Variants in PTCH1 observed in about 807,000 individuals in gnomAD.
The protein encoded by PTCH1 is patched 1, also known as protein patched homolog 1.
Under a neutral mutation model 144.6 loss-of-function variants are expected in PTCH1, and 14 were observed. That is an observed-to-expected ratio of 0.10 (90% confidence interval 0.06 to 0.15). The LOEUF is 0.15. PTCH1 is among the 10% of genes least tolerant of loss of function. The pLI is 1.00. For missense variants in PTCH1, 1,623 were observed against 1,948.3 expected (o/e 0.83, Z 3.14); for synonymous variants, 833 against 793.6 (o/e 1.05, Z -0.83).
rs2136631167 is a variant in PTCH1, at chr9:95,453,518, C to T, written c.3409G>A (p.Val1137Met). ...AACTCAGATCCCGCCAGCATCAGCA[C>T]TCCCAGCAGAGTGGACACGGCGCCA... is the stretch of plus-strand genomic sequence containing the variant. ...LDGAVSTLLG[V>M]LMLAGSEFDF... The change falls in exon 20 of 24, where the codon GTG becomes ATG. Residue 1137 changes from valine (V) to methionine (M), a missense_variant. This residue lies in a region of PTCH1 where 504 missense variants were observed against 679.3 expected (regional missense o/e 0.74). Transcript: ENST00000331920. 6.2e-7 allele frequency: 1 copy of T among 1,614,184 alleles called. No individual in the cohort carries two copies. The highest frequency in any genetic ancestry group is 2.2e-5 in the East Asian group (1 of 44,884).
chr9:95,460,516 G>C (rs1306139097), intron 16 of PTCH1, among the ~76,000 whole-genome samples: 1 of 152,146 alleles, frequency 6.6e-6, no homozygotes, highest in Non-Finnish European at 1.5e-5. Context: ...TTAGATTCAG[G>C]CCTCATTCCT....
Position 95,449,019 on chromosome 9 carries a change from C to T in PTCH1, c.3804+50G>A, listed in dbSNP as rs781276726. On this transcript the variant is annotated intron_variant, in intron 22 of 23. Coordinates refer to ENST00000331920, the MANE Select transcript of PTCH1 (RefSeq NM_000264.5). This position sits in a 1 kb window ranked among gnomAD's most constrained non-coding sequence, Gnocchi z 5.3. ...GGAGCCCCCGCTGGACCTCCAGGCC[C>T]ACTACCACGGTGGGAAGACCCCTCC... 4 of 1,610,650 alleles carry T rather than the reference C, an allele frequency of 2.5e-6. No individual in the cohort carries two copies. Among genetic ancestry groups the T allele is most frequent in the Middle Eastern group, 1.7e-4 (1 of 6,046 alleles).
At chr9:95,455,345 G>A (rs1838817791) in intron 19 of PTCH1, among the ~76,000 whole-genome samples, 2 of 152,242 alleles carry the variant, frequency 1.3e-5, no homozygotes, top group Admixed American at 6.5e-5. Context: ...GGAAACCTGT[G>A]CTAGAGATTG....
intron 15 of PTCH1, 54 bp from the exon 16 acceptor site, chr9:95,462,052 G>C: frequency 6.2e-7 from 1 of 1,610,150 alleles, no homozygotes; most frequent in East Asian, 2.2e-5. Context: ...GAAGGACCCT[G>C]GTCCTAGCGG....
At chr9:95,479,459 G>A (rs976926112) in intron 7 of PTCH1, among the ~76,000 whole-genome samples, 5 of 152,146 alleles carry the variant, frequency 3.3e-5, no homozygotes, top group Admixed American at 1.3e-4. Context: ...CAGATACACC[G>A]GGCTCAGTGA....
rs767166469 is a variant in PTCH1 at position 95,447,375 on chromosome 9, G to A, written c.3881C>T (p.Pro1294Leu). Residue 1294 changes from proline (P) to leucine (L), a missense_variant, in exon 23 of 24, where the codon CCT (proline) becomes CTT (leucine). This residue lies in a region of PTCH1 where 291 missense variants were observed against 287.4 expected (regional missense o/e 1.01). Coordinates refer to ENST00000331920, the MANE Select transcript of PTCH1 (RefSeq NM_000264.5). ...QQPHLDSGSL[P>L]PGRQGQQPRR... ...GGGCTGCTGGCCTTGCCGTCCGGGA[G>A]GCAGGGACCCTGAGTCCAGGTGGGG... is the stretch of plus-strand genomic sequence containing the variant. 4 of 1,613,072 alleles carry A rather than the reference G, an allele frequency of 2.5e-6. No homozygotes were observed. The East Asian group carries it at 6.7e-5, about 27-fold the overall frequency.
At chr9:95,446,847 A>G in intron 23 of PTCH1, 64 bp downstream of exon 23, 1 of 1,606,376 alleles carries the variant, frequency 6.2e-7, no homozygotes, top group Non-Finnish European at 8.5e-7. Context: ...GAACCCCAGG[A>G]GAACCTTGTC....
intron 2 of PTCH1, among the ~76,000 whole-genome samples, chr9:95,496,295 T>C (rs1252131735): frequency 2.0e-5 from 3 of 152,190 alleles, no homozygotes; most frequent in Non-Finnish European, 4.4e-5. Context: ...GTGGCTGAAA[T>C]GTACATTCAG....
In PTCH1 at chr9:95,507,889, A is replaced by G. The variant is rs1355619; in HGVS notation, c.201+272T>C. 429,180 of 1,274,372 alleles carry G rather than the reference A, an allele frequency of 0.34. 76,284 individuals are homozygous for G. Among genetic ancestry groups the G allele is most frequent in the African/African-American group, 0.61 (39,550 of 65,154 alleles). The allele number at this position is 1,274,372 out of a possible 1,614,324, so 78.9% of individuals were successfully genotyped here. ...TCCAGTGCTCCGGAAAAGGCACACC[A>G]GGGAGGGCGTGTGTATACACACACA... On this transcript the variant is annotated intron_variant, in intron 1 of 23. Coordinates refer to ENST00000331920, the MANE Select transcript of PTCH1 (RefSeq NM_000264.5).
At position 95,444,475 on chromosome 9, in the gene PTCH1, G is replaced by A. The variant is rs915339355; in HGVS notation, c.*1918C>T. The A allele has an allele frequency of 6.5e-6, 1 of 152,930 alleles. No homozygotes were observed. The highest frequency in any genetic ancestry group is 2.5e-5 in the African/African-American group (1 of 40,780). The allele number at this position is 152,930 out of a possible 1,614,324, so 9.5% of individuals were successfully genotyped here. A position where few individuals can be genotyped will look rare whatever the true frequency, so the allele number is the denominator to read the frequency against. On this transcript the variant is annotated 3_prime_UTR_variant, in exon 24 of 24. Coordinates refer to ENST00000331920, the MANE Select transcript of PTCH1 (RefSeq NM_000264.5). ...AAGACAGCAGCAGGGGGGTGGCCAGGGTCCCCAGCAGAGACACACACACAC... is the reference window on the plus strand; with the variant it reads ...AAGACAGCAGCAGGGGGGTGGCCAGAGTCCCCAGCAGAGACACACACACAC...
At chr9:95,464,679 T>C (rs933851607) in intron 15 of PTCH1, among the ~76,000 whole-genome samples, 4 of 152,192 alleles carry the variant, frequency 2.6e-5, no homozygotes, top group African/African-American at 9.7e-5. Context: ...TTAACCATTA[T>C]ATAGTTTTAG....
chr9:95,506,313 G>A (rs2118870147), intron 2 of PTCH1, 94 bp downstream of exon 2: 4 of 1,401,810 alleles, frequency 2.9e-6, no homozygotes, highest in African/African-American at 2.9e-5. Flanking sequence ...TTCGCCGGCC[G>A]CAGCCAGGCT....
At position 95,459,700 on chromosome 9, in the gene PTCH1, G is replaced by A. The variant is rs145196322; in HGVS notation, c.2787C>T (p.Asn929=). 1.0e-3 allele frequency: 1,684 copies of A among 1,614,178 alleles called. 1 individual carries two copies. Among genetic ancestry groups the A allele is most frequent in the Non-Finnish European group, 1.4e-3 (1,604 of 1,180,026 alleles). ...GGGAGGCAGCATACGCGACGGGGTC[G>A]TTGCTGACCCAAGCCGTCAGGTAGA... ...FYIYLTAWVS[N]DPVAYAASQA... Residue 929 remains asparagine, a synonymous_variant, in exon 17 of 24, where the codon AAC becomes AAT. Transcript: ENST00000331920.
chr9:95,502,949 G>A (rs1016611714), intron 2 of PTCH1, among the ~76,000 whole-genome samples: 4 of 152,158 alleles, frequency 2.6e-5, no homozygotes, highest in African/African-American at 7.2e-5. Context: ...TTGGCAGATA[G>A]GAGGATATGC....
At position 95,443,896 on chromosome 9, in the gene PTCH1, A is replaced by C. The variant is rs1427690569; in HGVS notation, c.*2497T>G. On this transcript the variant is annotated 3_prime_UTR_variant, in exon 24 of 24. Coordinates refer to ENST00000331920, the MANE Select transcript of PTCH1 (RefSeq NM_000264.5). ...TAAACTCCTTACCCTAAAACCTACC[A>C]TGAGTCCTTAATGTAAATGTTATAT... 1 of 152,612 alleles carries C rather than the reference A, an allele frequency of 6.6e-6. No individual in the cohort carries two copies. Among genetic ancestry groups the C allele is most frequent in the Non-Finnish European group, 1.5e-5 (1 of 68,026 alleles). 9.5% of individuals were successfully genotyped at this position (152,612 alleles called of 1,614,324 possible). A position where few individuals can be genotyped will look rare whatever the true frequency, so the allele number is the denominator to read the frequency against.
intron 15 of PTCH1, among the ~76,000 whole-genome samples, chr9:95,462,684 G>A (rs774818541): frequency 6.6e-6 from 1 of 152,160 alleles, no homozygotes; most frequent in Non-Finnish European, 1.5e-5. Flanking sequence ...ATACCTCACA[G>A]GGTAAATTTG....
chr9:95,485,607 A>G lies in PTCH1; in HGVS notation c.584+78T>C, dbSNP rs1841896266. Reference sequence around the variant, plus strand: ...TTCCAGGGCAACTTCATTTACTAAAATAACGGGGCCTAAACCAGCAGCCTT... The same window carrying G: ...TTCCAGGGCAACTTCATTTACTAAAGTAACGGGGCCTAAACCAGCAGCCTT... On this transcript the variant is annotated intron_variant, in intron 3 of 23. Transcript: ENST00000331920. 3.8e-6 allele frequency: 6 copies of G among 1,560,568 alleles called. No individual in the cohort carries two copies. The South Asian group carries it at 5.6e-5, about 15-fold the overall frequency.
At position 95,453,459 on chromosome 9, in the gene PTCH1, C is replaced by T. The variant is rs1213764757; in HGVS notation, c.3449+19G>A. ...CACAATGATTTCTAAAACATGTCTC[C>T]TTGCACACGCCTGCTTACCTGACAA... On this transcript the variant is annotated intron_variant, in intron 20 of 23. Coordinates refer to ENST00000331920, the MANE Select transcript of PTCH1 (RefSeq NM_000264.5). 1 of 1,613,794 alleles carries T rather than the reference C, an allele frequency of 6.2e-7. No homozygotes were observed.
At chr9:95,455,253 C>A (rs1838809657) in intron 19 of PTCH1, among the ~76,000 whole-genome samples, 1 of 152,208 alleles carries the variant, frequency 6.6e-6, no homozygotes, top group South Asian at 2.1e-4. Context: ...TCAATTGTAT[C>A]ACAGTAGCCC....
Sources: allele counts gnomAD v4.1 joint callset (sites outside exome capture counted in the v4.1 genomes callset), GRCh38; gene constraint gnomAD v4.1.1; regional missense constraint gnomAD v4.1.1; non-coding constraint Gnocchi (gnomAD v3.1); transcripts MANE v1.5; gene names NCBI Gene and HGNC (gene_info 2026-07-23, HGNC 2026-07-21).